Variants in PTPN3 observed in about 807,000 individuals in gnomAD.
PTPN3 encodes protein tyrosine phosphatase non-receptor type 3.
Under a neutral mutation model 132.7 loss-of-function variants are expected in PTPN3, and 96 were observed. The observed-to-expected ratio is 0.72, with a 90% confidence interval of 0.61 to 0.86. The LOEUF is 0.86. Ranked by LOEUF, PTPN3 falls within the 40% of genes least tolerant of loss-of-function variation. The pLI is 0.00. For missense variants in PTPN3, 1,125 were observed against 1,159.6 expected, an observed-to-expected ratio of 0.97 and a Z score of 0.43; for synonymous variants, 398 against 429.0, an observed-to-expected ratio of 0.93 and a Z score of 0.89.
At chr9:109,511,789 AG>A in the PTPN3 span, among the ~76,000 whole-genome samples, 18 of 152,200 alleles carry the variant, frequency 1.2e-4, no homozygotes, top group Admixed American at 7.2e-4. Flanking sequence ...CAGTCCCAAT[AG>A]GAACTTTGGT....
At chr9:109,402,518 A>T (rs1043595445) in intron 19 of PTPN3, among the ~76,000 whole-genome samples, 1 of 151,974 alleles carries the variant, frequency 6.6e-6, no homozygotes, top group African/African-American at 2.4e-5. Context: ...ACCTCAGGTG[A>T]TCCACTCGCC....
At chr9:109,503,690 G>A in the PTPN3 span, among the ~76,000 whole-genome samples, 1 of 150,718 alleles carries the variant, frequency 6.6e-6, no homozygotes, top group East Asian at 1.9e-4. Flanking sequence ...TCCAGCCTGG[G>A]CAACAGAGTG....
At chr9:109,387,828 G>A (rs1476315852) in intron 22 of PTPN3, among the ~76,000 whole-genome samples, 2 of 152,228 alleles carry the variant, frequency 1.3e-5, no homozygotes, top group Admixed American at 6.5e-5. Context: ...TGGAAAGTGA[G>A]GGAGAATAAC....
intron 22 of PTPN3, 57 bp from the exon 23 acceptor site, chr9:109,383,608 G>T: frequency 1.3e-6 from 2 of 1,595,478 alleles, no homozygotes; most frequent in Non-Finnish European, 1.7e-6. Context: ...CCTGCAAGCA[G>T]TTAACCCTGG....
At chr9:109,395,852 CTATT>C (rs1564387939) in intron 19 of PTPN3, among the ~76,000 whole-genome samples, 1 of 86,366 alleles carries the variant, frequency 1.2e-5, no homozygotes, top group Non-Finnish European at 2.0e-5. Context: ...TTTCAAGTTC[CTATT>C]TTTTTTTTTT....
chr9:109,443,697 A>G lies in PTPN3; in HGVS notation c.466+1543T>C, dbSNP rs531588329. Among the ~76,000 whole-genome samples the G allele has an allele frequency of 5.9e-5, 9 of 152,234 alleles. No individual in the cohort carries two copies. The South Asian group carries it at 1.9e-3, about 32-fold the overall frequency. On this transcript the variant is annotated intron_variant, in intron 7 of 25. Transcript: ENST00000374541. ...CAGATCATAAGAATACAAACTGGTG[A>G]CCATGCCACTTCCCATATGGATGTG...
At chr9:109,517,890 A>G in the PTPN3 span, among the ~76,000 whole-genome samples, 1 of 152,068 alleles carries the variant, frequency 6.6e-6, no homozygotes. Context: ...AGGATGAGAG[A>G]GAGGGTGGAC....
intron 1 of PTPN3, among the ~76,000 whole-genome samples, chr9:109,487,454 T>C (rs1315294042): frequency 1.3e-5 from 2 of 152,232 alleles, no homozygotes; most frequent in African/African-American, 4.8e-5. Context: ...ACCAGAGAGC[T>C]TGTTAGAAAT....
chr9:109,448,942 A>G, intron 5 of PTPN3, 87 bp from the exon 6 acceptor site: 1 of 1,542,946 alleles, frequency 6.5e-7, no homozygotes. Flanking sequence ...GTCAAAGACA[A>G]GAGCTGTACA....
chr9:109,458,462 A>G (rs920807637), intron 2 of PTPN3, among the ~76,000 whole-genome samples: 1 of 152,214 alleles, frequency 6.6e-6, no homozygotes, highest in Non-Finnish European at 1.5e-5. Flanking sequence ...AGTCAGAAAT[A>G]GACCGTGTAT....
chr9:109,528,811 G>GTGTA, the PTPN3 span, among the ~76,000 whole-genome samples: 1 of 152,002 alleles, frequency 6.6e-6, no homozygotes, highest in South Asian at 2.1e-4. Flanking sequence ...TTGTGTGTGT[G>GTGTA]TGTATGTGCA....
At chr9:109,428,526 C>T in intron 11 of PTPN3, 95 bp downstream of exon 11, 1 of 1,300,434 alleles carries the variant, frequency 7.7e-7, no homozygotes, top group Non-Finnish European at 1.1e-6. Flanking sequence ...CAGGAGGATC[C>T]CCTGAGCTCA....
At position 109,378,191 on chromosome 9, in the gene PTPN3, C is replaced by T. The variant is rs1055013842; in HGVS notation, c.*1365G>A. 2 of 152,210 alleles carry T rather than the reference C, an allele frequency of 1.3e-5. No homozygotes were observed. Among genetic ancestry groups the T allele is most frequent in the Admixed American group, 6.5e-5 (1 of 15,274 alleles). The allele number at this position is 152,210 out of a possible 1,614,324, so 9.4% of individuals were successfully genotyped here. A position where few individuals can be genotyped will look rare whatever the true frequency, so the allele number is the denominator to read the frequency against. On this transcript the variant is annotated 3_prime_UTR_variant, in exon 26 of 26. Transcript: ENST00000374541. ...AAATACCATTAAGAACCTGGCTTTACTTCCTCTTCTGAGTACATAAAAACC... is the reference window on the plus strand; with the variant it reads ...AAATACCATTAAGAACCTGGCTTTATTTCCTCTTCTGAGTACATAAAAACC...
chr9:109,449,720 C>T (rs1298599840), intron 5 of PTPN3: 2 of 985,370 alleles, frequency 2.0e-6, no homozygotes, highest in East Asian at 1.1e-4. Flanking sequence ...CATTGTCTGG[C>T]CAAGATGACA....
chr9:109,450,131 T>A (rs1016976958), intron 5 of PTPN3: 1 of 984,580 alleles, frequency 1.0e-6, no homozygotes. Context: ...CTAAAAAGCT[T>A]AGGATCCATG....
chr9:109,379,656 C>T (rs1838858167), intron 25 of PTPN3, 23 bp from the exon 26 acceptor site: 1 of 1,594,920 alleles, frequency 6.3e-7, no homozygotes, highest in Non-Finnish European at 8.6e-7. Context: ...AAAATGCTGT[C>T]AAGTCCTGTA....
chr9:109,535,602 G>A, the PTPN3 span, among the ~76,000 whole-genome samples: 1 of 152,098 alleles, frequency 6.6e-6, no homozygotes, highest in Non-Finnish European at 1.5e-5. Context: ...CCGCCTCCAG[G>A]TTCAAGTGAT....
At chr9:109,480,282 C>T (rs117969049) in intron 1 of PTPN3, among the ~76,000 whole-genome samples, 5,329 of 152,244 alleles carry the variant, frequency 0.035, 203 homozygotes, top group East Asian at 0.22. Flanking sequence ...ATCCTCCAGC[C>T]TCAGTCTCCT....
intron 19 of PTPN3, among the ~76,000 whole-genome samples, chr9:109,401,004 G>A (rs7038628): frequency 0.5 from 76,597 of 151,938 alleles, 19,596 homozygotes; most frequent in South Asian, 0.72. Flanking sequence ...GACCCTACTG[G>A]TTCCATCACA....
Sources: allele counts gnomAD v4.1 joint callset (sites outside exome capture counted in the v4.1 genomes callset), GRCh38; gene constraint gnomAD v4.1.1; transcripts MANE v1.5; gene names NCBI Gene and HGNC (gene_info 2026-07-23, HGNC 2026-07-21).